Variants in ZMYND11 observed in about 807,000 individuals in gnomAD.
The protein encoded by ZMYND11 is zinc finger MYND domain-containing protein 11.
A neutral mutation model predicts 84.9 loss-of-function variants in ZMYND11; 9 were observed. The ratio of observed to expected loss-of-function variants is 0.11; its 90% CI spans 0.06 to 0.18. ZMYND11 has a LOEUF of 0.18. Ranked by LOEUF, ZMYND11 falls within the 10% of genes least tolerant of loss-of-function variation. ZMYND11 has a pLI of 1.00. For missense variants in ZMYND11, 409 were observed against 761.0 expected, an observed-to-expected ratio of 0.54 and a Z score of 5.44; for synonymous variants, 250 against 244.1, an observed-to-expected ratio of 1.02 and a Z score of -0.23.
chr10:167,034 G>A (rs147378275), intron 1 of ZMYND11, among the ~76,000 whole-genome samples: 1 of 152,176 alleles, frequency 6.6e-6, no homozygotes, highest in East Asian at 1.9e-4. Context: ...GAAATATCTA[G>A]GCATATTAAT....
chr10:172,789 A>G (rs1203584075), intron 1 of ZMYND11, among the ~76,000 whole-genome samples: 1 of 152,226 alleles, frequency 6.6e-6, no homozygotes, highest in Non-Finnish European at 1.5e-5. Flanking sequence ...AATAGTCATC[A>G]TACTATTGAA....
In ZMYND11 at chr10:239,940, C is replaced by T. The variant is rs1950594165; in HGVS notation, c.698-116C>T. On this transcript the variant is annotated intron_variant, in intron 7 of 14. Coordinates refer to ENST00000381604, the MANE Select transcript of ZMYND11 (RefSeq NM_001370100.5). The stretch of plus-strand genomic sequence containing the variant: ...TTTTGCTATCGTTATTTTAAATGGA[C>T]ATTTTGGTTTGAAATGGTAGATGTC... 6 of 762,624 alleles carry T rather than the reference C, an allele frequency of 7.9e-6. No homozygotes were observed. The East Asian group carries it at 1.6e-4, about 21-fold the overall frequency. The allele number at this position is 762,624 out of a possible 1,614,324, so 47.2% of individuals were successfully genotyped here. A position where few individuals can be genotyped will look rare whatever the true frequency, so the allele number is the denominator to read the frequency against.
intron 2 of ZMYND11, among the ~76,000 whole-genome samples, chr10:201,606 A>ACACACACACACACACACACATT (rs1564371498): frequency 7.3e-6 from 1 of 136,200 alleles, no homozygotes; most frequent in East Asian, 2.6e-4. Flanking sequence ...ACACACACAC[A>ACACACACACACACACACACATT]TTATATATAT....
At chr10:201,597 C>CACACACACACACACACACACAA (rs1943162806) in intron 2 of ZMYND11, among the ~76,000 whole-genome samples, 1 of 149,872 alleles carries the variant, frequency 6.7e-6, no homozygotes, top group Non-Finnish European at 1.5e-5. Flanking sequence ...CACACACACA[C>CACACACACACACACACACACAA]ACACACACAT....
chr10:247,899 C>T (rs537227631), intron 12 of ZMYND11, among the ~76,000 whole-genome samples: 27 of 152,292 alleles, frequency 1.8e-4, no homozygotes, highest in African/African-American at 6.5e-4. Context: ...TGTTTTAAAA[C>T]TGTAAATCTG....
chr10:179,695 A>G (rs1847429519), intron 1 of ZMYND11, among the ~76,000 whole-genome samples: 1 of 152,210 alleles, frequency 6.6e-6, no homozygotes, highest in Admixed American at 6.5e-5. Context: ...TCTGTGTTTT[A>G]GAATAAACTT....
At chr10:207,409 G>A (rs1308755212) in intron 2 of ZMYND11, among the ~76,000 whole-genome samples, 3 of 152,170 alleles carry the variant, frequency 2.0e-5, no homozygotes, top group East Asian at 1.9e-4. Flanking sequence ...CTGGGGAATC[G>A]CCACACTGTC....
chr10:170,689 A>G (rs1184133816), intron 1 of ZMYND11, among the ~76,000 whole-genome samples: 1 of 152,188 alleles, frequency 6.6e-6, no homozygotes, highest in African/African-American at 2.4e-5. Flanking sequence ...AGCAAGAAGT[A>G]TAATTGATGT....
intron 1 of ZMYND11, among the ~76,000 whole-genome samples, chr10:152,323 C>G (rs1300835415): frequency 6.6e-6 from 1 of 152,156 alleles, no homozygotes; most frequent in Non-Finnish European, 1.5e-5. Context: ...GGAGACCCAT[C>G]TCATGTGCAG....
At chr10:153,364 G>C (rs1291098450) in intron 1 of ZMYND11, among the ~76,000 whole-genome samples, 3 of 152,114 alleles carry the variant, frequency 2.0e-5, no homozygotes, top group Non-Finnish European at 4.4e-5. Context: ...CAATTTTTAA[G>C]TTCCTAGTAG....
chr10:188,570 C>T (rs577165687), intron 2 of ZMYND11, among the ~76,000 whole-genome samples: 5 of 137,036 alleles, frequency 3.6e-5, no homozygotes, highest in African/African-American at 1.4e-4. Context: ...CCGGCCTGGG[C>T]AACAGAGTGA....
chr10:193,503 T>A (rs1362434010), intron 2 of ZMYND11, among the ~76,000 whole-genome samples: 1 of 152,202 alleles, frequency 6.6e-6, no homozygotes, highest in Admixed American at 6.5e-5. Context: ...TCAATGATAT[T>A]TGTTGAGTGC....
chr10:248,247 T>C lies in ZMYND11; in HGVS notation c.1228-89T>C, dbSNP rs1210173113. 2.0e-6 allele frequency: 3 copies of C among 1,495,034 alleles called. No individual in the cohort carries two copies. In the African/African-American group the frequency reaches 4.2e-5, roughly 21 times the overall value. The allele number at this position is 1,495,034 out of a possible 1,614,324, so 92.6% of individuals were successfully genotyped here. A position where few individuals can be genotyped will look rare whatever the true frequency, so the allele number is the denominator to read the frequency against. ...GTTTATTCTATGGCTATTATGTATA[T>C]CACTGAATTTTTATCCGAATGGGGT... On this transcript the variant is annotated intron_variant, in intron 12 of 14. Transcript: ENST00000381604.
intron 1 of ZMYND11, among the ~76,000 whole-genome samples, chr10:179,231 A>G (rs1847317531): frequency 6.6e-6 from 1 of 152,174 alleles, no homozygotes. Context: ...CTCTCCGGAC[A>G]TCCAGGGTTT....
intron 3 of ZMYND11, among the ~76,000 whole-genome samples, chr10:210,515 C>T (rs776188791): frequency 1.1e-3 from 165 of 152,170 alleles, no homozygotes; most frequent in Non-Finnish European, 2.0e-3. Context: ...AGGTTCCAAA[C>T]GTTAAGTTCT....
chr10:239,385 C>CAAGCA, intron 6 of ZMYND11, 53 bp from the exon 7 acceptor site: 1 of 1,457,826 alleles, frequency 6.9e-7, no homozygotes, highest in Non-Finnish European at 9.6e-7. Context: ...TTAGTCCAGA[C>CAAGCA]AAGTATTTTT....
At chr10:189,951 G>T (rs1490925293) in intron 2 of ZMYND11, among the ~76,000 whole-genome samples, 1 of 152,134 alleles carries the variant, frequency 6.6e-6, no homozygotes, top group Non-Finnish European at 1.5e-5. Context: ...GCGAGTCAAA[G>T]CATAGACTGT....
chr10:178,508 C>G (rs1405088124), intron 1 of ZMYND11, among the ~76,000 whole-genome samples: 2 of 152,168 alleles, frequency 1.3e-5, no homozygotes, highest in Non-Finnish European at 2.9e-5. Flanking sequence ...GGTGCTCCAA[C>G]ACAAGTGCAC....
At chr10:191,642 G>C (rs1287709417) in intron 2 of ZMYND11, among the ~76,000 whole-genome samples, 2 of 152,200 alleles carry the variant, frequency 1.3e-5, no homozygotes, top group African/African-American at 4.8e-5. Flanking sequence ...TGAAATATTT[G>C]TTTGCCATGA....
Sources: allele counts gnomAD v4.1 joint callset (sites outside exome capture counted in the v4.1 genomes callset), GRCh38; gene constraint gnomAD v4.1.1; transcripts MANE v1.5; gene names NCBI Gene and HGNC (gene_info 2026-07-23, HGNC 2026-07-21).